Variants in STAB2 observed in about 807,000 individuals in gnomAD.
STAB2 encodes the protein stabilin-2.
A neutral mutation model predicts 338.1 loss-of-function variants in STAB2; 288 were observed. The ratio of observed to expected loss-of-function variants is 0.85; its 90% CI spans 0.77 to 0.94. The LOEUF (loss-of-function observed/expected upper bound fraction) is 0.94, where lower values mean the gene tolerates loss of function less well. Ranked by LOEUF, STAB2 falls within the 40% of genes least tolerant of loss-of-function variation. The pLI is 0.00. For missense variants in STAB2, 3,141 were observed against 3,210.1 expected, an observed-to-expected ratio of 0.98 and a Z score of 0.52; for synonymous variants, 1,202 against 1,193.3, an observed-to-expected ratio of 1.01 and a Z score of -0.15.
chr12:103,637,125 G>A lies in STAB2; in HGVS notation c.598G>A (p.Ala200Thr). The A allele has an allele frequency of 6.2e-7, 1 of 1,605,806 alleles. No individual in the cohort carries two copies. The highest frequency in any genetic ancestry group is 8.5e-7 in the Non-Finnish European group (1 of 1,177,358). Residue 200 changes from alanine to threonine, a missense_variant, in exon 7 of 69, where the codon GCA (alanine) becomes ACA (threonine). Ala to Thr is a moderately conservative substitution (Grantham distance 58, BLOSUM62 0). Transcript: ENST00000388887. ...PKCDKPIPEC[A>T]ALLCPENSRC... Reference sequence around the variant, plus strand: ...TTCCTATGCAGCCATCCCTGAATGTGCAGCCTTGCTCTGCCCAGAAAATTC... The same window carrying A: ...TTCCTATGCAGCCATCCCTGAATGTACAGCCTTGCTCTGCCCAGAAAATTC...
intron 52 of STAB2, 21 bp downstream of exon 52, chr12:103,735,601 TG>T: frequency 8.1e-6 from 4 of 494,160 alleles, no homozygotes; most frequent in Non-Finnish European, 1.6e-5. Context: ...TCATGAAGGG[TG>T]GGCAGGGAGG....
intron 40 of STAB2, 108 bp downstream of exon 40, chr12:103,711,624 GAGGGCTT>G: frequency 7.8e-7 from 1 of 1,284,316 alleles, no homozygotes. Flanking sequence ...CACCATTTCT[GAGGGCTT>G]AGGATAAACT....
At chr12:103,619,180 G>A (rs145166001) in intron 3 of STAB2, among the ~76,000 whole-genome samples, 324 of 152,182 alleles carry the variant, frequency 2.1e-3, no homozygotes, top group South Asian at 8.7e-3. Flanking sequence ...AGAACTTCCC[G>A]TCTTGTGGGA....
intron 40 of STAB2, 114 bp downstream of exon 40, chr12:103,711,630 T>C (rs1212055928): frequency 1.6e-6 from 2 of 1,254,090 alleles, no homozygotes; most frequent in Non-Finnish European, 2.3e-6. Context: ...TTCTGAGGGC[T>C]TAGGATAAAC....
intron 9 of STAB2, among the ~76,000 whole-genome samples, chr12:103,644,614 C>T (rs978169364): frequency 2.0e-5 from 3 of 151,780 alleles, no homozygotes; most frequent in Non-Finnish European, 2.9e-5. Context: ...TTATCTCAAT[C>T]CCCAACTAGA....
chr12:103,648,941 T>C, intron 10 of STAB2, 118 bp downstream of exon 10: 1 of 1,416,962 alleles, frequency 7.1e-7, no homozygotes, highest in South Asian at 1.4e-5. Context: ...TCAGCCTTTT[T>C]GGAGGGGTCA....
intron 50 of STAB2, among the ~76,000 whole-genome samples, chr12:103,732,409 G>A (rs1360309455): frequency 6.6e-6 from 1 of 152,182 alleles, no homozygotes; most frequent in African/African-American, 2.4e-5. Flanking sequence ...GAATAGGGAG[G>A]AGCAGGCCAA....
Position 103,737,621 on chromosome 12 carries a change from T to TC in STAB2, c.5551-13_5551-12insC, listed in dbSNP as rs1882253086. 1.3e-6 allele frequency: 2 copies of TC among 1,536,014 alleles called. No individual in the cohort carries two copies. Among genetic ancestry groups the TC allele is most frequent in the Non-Finnish European group, 1.7e-6 (2 of 1,149,522 alleles). On this transcript the variant is annotated splice_polypyrimidine_tract_variant and intron_variant, in intron 52 of 68. Coordinates refer to ENST00000388887, the MANE Select transcript of STAB2 (RefSeq NM_017564.10). ...CTCTCTTTCTCTTTTTTTTTTTTTTTTTTCTTTCTTAGGGTGACCTCTTTC... is the reference window on the plus strand; with the variant it reads ...CTCTCTTTCTCTTTTTTTTTTTTTTTCTTTCTTTCTTAGGGTGACCTCTTTC...
At chr12:103,657,686 A>C (rs1420266017) in intron 15 of STAB2, 1 of 152,202 alleles carries the variant, frequency 6.6e-6, no homozygotes, top group Non-Finnish European at 1.5e-5. Flanking sequence ...TCTGCCTGCA[A>C]AGAACATGAA....
chr12:103,666,430 C>G (rs555267087), intron 19 of STAB2, 77 bp downstream of exon 19: 409 of 1,458,596 alleles, frequency 2.8e-4, no homozygotes, highest in Non-Finnish European at 3.7e-4. Context: ...TATCTACCTT[C>G]CTTCTTTAGA....
chr12:103,755,142 A>G, intron 61 of STAB2, 160 bp from the exon 62 acceptor site: 1 of 949,272 alleles, frequency 1.1e-6, no homozygotes, highest in Admixed American at 2.3e-5. Flanking sequence ...CAATCAGTCA[A>G]CATCTAATGA....
At chr12:103,717,008 A>G (rs1241758477) in intron 43 of STAB2, among the ~76,000 whole-genome samples, 1 of 152,244 alleles carries the variant, frequency 6.6e-6, no homozygotes, top group African/African-American at 2.4e-5. Context: ...GCTGGCACCA[A>G]TGATGACTTA....
At chr12:103,669,462 G>A in intron 20 of STAB2, 79 bp from the exon 21 acceptor site, 3 of 1,264,732 alleles carry the variant, frequency 2.4e-6, no homozygotes, top group Non-Finnish European at 3.5e-6. Flanking sequence ...GTATAATAAT[G>A]GAAATTAAAA....
chr12:103,649,091 G>A (rs1215219582), intron 10 of STAB2, among the ~76,000 whole-genome samples: 1 of 152,188 alleles, frequency 6.6e-6, no homozygotes, highest in African/African-American at 2.4e-5. Flanking sequence ...CAACAGAGCT[G>A]CAGTAACAGT....
At chr12:103,711,042 A>G (rs1431882238) in intron 39 of STAB2, among the ~76,000 whole-genome samples, 1 of 152,250 alleles carries the variant, frequency 6.6e-6, no homozygotes, top group African/African-American at 2.4e-5. Flanking sequence ...TTGCTTGTTT[A>G]CAGCACTCCA....
intron 43 of STAB2, among the ~76,000 whole-genome samples, 196 bp downstream of exon 43, chr12:103,716,084 A>G (rs1193465274): frequency 2.6e-5 from 4 of 152,224 alleles, no homozygotes; most frequent in African/African-American, 9.6e-5. Flanking sequence ...AACCAAGGGT[A>G]CTAGGACAAG....
intron 61 of STAB2, 80 bp from the exon 62 acceptor site, chr12:103,755,222 A>G (rs1293010311): frequency 1.3e-6 from 2 of 1,555,806 alleles, no homozygotes; most frequent in Non-Finnish European, 1.7e-6. Context: ...ATGGCCTAAT[A>G]GGGGAATCAG....
intron 2 of STAB2, among the ~76,000 whole-genome samples, chr12:103,592,723 G>A (rs926263291): frequency 2.0e-5 from 3 of 152,112 alleles, no homozygotes; most frequent in African/African-American, 7.2e-5. Flanking sequence ...CTTAACATAA[G>A]ATCTCCTGTC....
In STAB2 at chr12:103,712,349, T is replaced by A. The variant is rs761040630; in HGVS notation, c.4335-18T>A. ...GGAGTATTTTTCTACAAACCCCATTTGTCCTTCCTTGTTGCAGCTGCCTCA... is the reference window on the plus strand; with the variant it reads ...GGAGTATTTTTCTACAAACCCCATTAGTCCTTCCTTGTTGCAGCTGCCTCA... On this transcript the variant is annotated intron_variant, in intron 40 of 68. Transcript: ENST00000388887. 6.2e-7 allele frequency: 1 copy of A among 1,606,414 alleles called. No homozygotes were observed. The highest frequency in any genetic ancestry group is 8.5e-7 in the Non-Finnish European group (1 of 1,172,904).
Sources: gnomAD v4.1 joint callset for allele counts (sites outside exome capture counted in the v4.1 genomes callset) on GRCh38, gnomAD v4.1.1 for gene constraint, MANE v1.5 for transcripts, NCBI Gene and HGNC (gene_info 2026-07-23, HGNC 2026-07-21) for gene names.